The following FGF3 variants were observed in gnomAD, a reference collection of about 807,000 sequenced individuals.
The protein encoded by FGF3 is fibroblast growth factor 3.
In FGF3, 7 loss-of-function variants were observed where a neutral mutation model predicts 9.8. That is an observed-to-expected ratio of 0.72 (90% CI 0.41 to 1.35). The LOEUF is 1.35. Among genes scored for constraint, FGF3 ranks in the 40% most tolerant of loss-of-function variants. The pLI, the probability that FGF3 is intolerant of heterozygous loss-of-function variation, is 0.01. For missense variants in FGF3, 390 were observed against 345.6 expected, an observed-to-expected ratio of 1.13 and a Z score of -1.02; for synonymous variants, 173 against 157.2, an observed-to-expected ratio of 1.10 and a Z score of -0.75.
At chr11:69,816,270 G>A (rs781994083) in intron 2 of FGF3, 50 bp downstream of exon 2, 1 of 1,402,258 alleles carries the variant, frequency 7.1e-7, no homozygotes, top group Non-Finnish European at 1.0e-6. Context: ...TGATGTGCAG[G>A]CCAGACCGCT....
intron 2 of FGF3, among the ~76,000 whole-genome samples, chr11:69,815,685 G>A (rs1447014234): frequency 6.6e-6 from 1 of 152,188 alleles, no homozygotes; most frequent in African/African-American, 2.4e-5. Flanking sequence ...TTTACTCTGT[G>A]TATTCCCCAC....
At chr11:69,811,245 C>T (rs1856024832) in intron 2 of FGF3, among the ~76,000 whole-genome samples, 2 of 151,970 alleles carry the variant, frequency 1.3e-5, no homozygotes, top group East Asian at 3.9e-4. Flanking sequence ...GTCAGGAGTT[C>T]GAGACCAGCC....
At chr11:69,811,816 ACCCTTGTCAGGC>A (rs1458282615) in intron 2 of FGF3, among the ~76,000 whole-genome samples, 1 of 152,102 alleles carries the variant, frequency 6.6e-6, no homozygotes, top group Non-Finnish European at 1.5e-5. Context: ...GATTAATGGG[ACCCTTGTCAGGC>A]CCAGGGTGCA....
chr11:69,818,718 GGC>G lies in FGF3; in HGVS notation c.214_215del (p.Ala72LeufsTer55). 1 of 1,487,022 alleles carries G rather than the reference GGC, an allele frequency of 6.7e-7. No homozygotes were observed. The highest frequency in any genetic ancestry group is 8.9e-7 in the Non-Finnish European group (1 of 1,125,256). 92.1% of individuals were successfully genotyped at this position (1,487,022 alleles called of 1,614,324 possible). On this transcript the variant is annotated frameshift_variant, in exon 1 of 3. Transcript: ENST00000334134. LOFTEE classifies it high-confidence loss of function. Reference sequence around the variant, plus strand: ...CCCGCAGCGTCCGGCACTCACTGTAGGCGCTGTTCTCCAGGCTGCCGTTGACG... The same window carrying G: ...CCCGCAGCGTCCGGCACTCACTGTAGGCTGTTCTCCAGGCTGCCGTTGACG... ...GRVNGSLENS[A>X]YSILEITAVE...
rs2119942308 is a variant in FGF3, at chr11:69,819,185, A to G, written c.-252T>C. ...TTTAATTTCCACCCAGGAGCAATGAAATTTCCGTTGCTGCGCAAAGCGCTG... is the reference window on the plus strand; with the variant it reads ...TTTAATTTCCACCCAGGAGCAATGAGATTTCCGTTGCTGCGCAAAGCGCTG... On this transcript the variant is annotated 5_prime_UTR_variant, in exon 1 of 3. Transcript: ENST00000334134. Among the ~76,000 whole-genome samples, 1 of 152,044 alleles carries G rather than the reference A, an allele frequency of 6.6e-6. No individual in the cohort carries two copies. Among genetic ancestry groups the G allele is most frequent in the East Asian group, 1.9e-4 (1 of 5,136 alleles).
At chr11:69,817,931 G>C (rs1172581034) in intron 1 of FGF3, among the ~76,000 whole-genome samples, 1 of 152,206 alleles carries the variant, frequency 6.6e-6, no homozygotes, top group Non-Finnish European at 1.5e-5. Flanking sequence ...CCCGGGCCGC[G>C]GGTCCTGCGT....
At chr11:69,815,452 C>T (rs782546813) in intron 2 of FGF3, among the ~76,000 whole-genome samples, 7 of 152,152 alleles carry the variant, frequency 4.6e-5, no homozygotes, top group Non-Finnish European at 8.8e-5. Flanking sequence ...TTTAGCAAAA[C>T]GGCTAAAAAT....
chr11:69,816,548 G>A, intron 1 of FGF3, 125 bp from the exon 2 acceptor site: 1 of 705,678 alleles, frequency 1.4e-6, no homozygotes, highest in South Asian at 1.5e-5. Flanking sequence ...CACCCCACAG[G>A]TCGGGGAGTG....
Position 69,819,085 on chromosome 11 carries a change from A to T in FGF3, c.-152T>A. ...GCTTCGCGGGAAAGGTGGGGGAAGA[A>T]GGGGGAAGGGTGGGCGAGAGAGAGA... On this transcript the variant is annotated 5_prime_UTR_variant, in exon 1 of 3. Coordinates refer to ENST00000334134, the MANE Select transcript of FGF3 (RefSeq NM_005247.4). 1.2e-5 allele frequency: 4 copies of T among 337,312 alleles called. No homozygotes were observed. The highest frequency in any genetic ancestry group is 1.1e-5 in the Non-Finnish European group (2 of 190,208). 20.9% of individuals were successfully genotyped at this position (337,312 alleles called of 1,614,324 possible).
In FGF3 at chr11:69,810,580, C is replaced by T. The variant is rs1156753470; in HGVS notation, c.445G>A (p.Ala149Thr). ...ACAGACACGTACCACAGTCTCTCGG[C>T]GCTGGGCTGCCGGCGGGCCCCAGGC... Reference protein sequence around the residue: ...STPGARRQPSAERLWYVSVNG... With the variant: ...STPGARRQPSTERLWYVSVNG... Residue 149 changes from alanine (A) to threonine (T), a missense_variant, in exon 3 of 3, where the codon GCC (alanine) becomes ACC (threonine). Ala to Thr is a moderately conservative substitution (Grantham distance 58). Coordinates refer to ENST00000334134, the MANE Select transcript of FGF3 (RefSeq NM_005247.4). 2.5e-6 allele frequency: 4 copies of T among 1,611,712 alleles called. No homozygotes were observed. The highest frequency in any genetic ancestry group is 2.2e-5 in the East Asian group (1 of 44,806).
In FGF3 at chr11:69,813,610, G is replaced by GGATT. The variant is rs1554980680; in HGVS notation, c.324+2709_324+2710insAATC. Among the ~76,000 whole-genome samples the GGATT allele has an allele frequency of 7.2e-4, 51 of 70,514 alleles. 2 individuals are homozygous for GGATT. The highest frequency in any genetic ancestry group is 2.4e-3 in the South Asian group (6 of 2,534). The allele number at this position is 70,514 out of a possible 152,430, so 46.3% of individuals were successfully genotyped here. ...TAGATGGGTGGGTGGATGGATGGAT[G>GGATT]GATGGGTGGATGGATGGATGGATGG... On this transcript the variant is annotated intron_variant, in intron 2 of 2. Transcript: ENST00000334134.
rs554003731 is a variant in FGF3, at chr11:69,815,609, A to G, written c.324+711T>C. 1.1e-4 allele frequency among the ~76,000 whole-genome samples: 17 copies of G among 152,320 alleles called. No individual in the cohort carries two copies. In the South Asian group the frequency reaches 3.5e-3, roughly 32 times the overall value. ...TGGATGGAAAACCTCTCATTGCCCA[A>G]GGAAGTATCAGCCAAATTGCATGTA... On this transcript the variant is annotated intron_variant, in intron 2 of 2. Transcript: ENST00000334134.
At position 69,810,252 on chromosome 11, in the gene FGF3, G is replaced by A; in HGVS notation, c.*53C>T. 1.3e-6 allele frequency: 2 copies of A among 1,482,270 alleles called. No individual in the cohort carries two copies. The highest frequency in any genetic ancestry group is 1.8e-6 in the Non-Finnish European group (2 of 1,103,196). 91.8% of individuals were successfully genotyped at this position (1,482,270 alleles called of 1,614,324 possible). A position where few individuals can be genotyped will look rare whatever the true frequency, so the allele number is the denominator to read the frequency against. On this transcript the variant is annotated 3_prime_UTR_variant, in exon 3 of 3. Coordinates refer to ENST00000334134, the MANE Select transcript of FGF3 (RefSeq NM_005247.4). ...TCAAGGAGGAGAGTCAGAGTCAAGA[G>A]GCTGCCACGCCAAGATGTCGCCAGG...
At position 69,819,303 on chromosome 11, in the gene FGF3, G is replaced by T. The variant is rs1474788914; in HGVS notation, c.-370C>A. On this transcript the variant is annotated 5_prime_UTR_variant, in exon 1 of 3. Coordinates refer to ENST00000334134, the MANE Select transcript of FGF3 (RefSeq NM_005247.4). ...GGCCGGCGGGTGGGGAGCCCCGCGG[G>T]GCTCGGGGTTCGGGCCGGGCGCCGT... is the stretch of plus-strand genomic sequence containing the variant. Among the ~76,000 whole-genome samples the T allele has an allele frequency of 5.7e-4, 86 of 151,436 alleles. No individual in the cohort carries two copies. Among genetic ancestry groups the T allele is most frequent in the Admixed American group, 4.4e-3 (67 of 15,244 alleles).
rs1057149764 is a variant in FGF3, at chr11:69,816,188, G to A, written c.324+132C>T. On this transcript the variant is annotated intron_variant, in intron 2 of 2. Transcript: ENST00000334134. Reference sequence around the variant, plus strand: ...ACTGGGCGTGGAGCCCTGGGCCAGGGTCTGGTCCTAGCTTGGGTCCCGTGT... The same window carrying A: ...ACTGGGCGTGGAGCCCTGGGCCAGGATCTGGTCCTAGCTTGGGTCCCGTGT... 5.2e-6 allele frequency: 4 copies of A among 775,410 alleles called. No individual in the cohort carries two copies. The Admixed American group carries it at 7.4e-5, about 14-fold the overall frequency. The allele number at this position is 775,410 out of a possible 1,614,324, so 48.0% of individuals were successfully genotyped here.
chr11:69,816,425 TAG>T lies in FGF3; in HGVS notation c.221-4_221-3del, dbSNP rs1554981089. The T allele has an allele frequency of 6.2e-7, 1 of 1,611,038 alleles. No individual in the cohort carries two copies. ...CCACTGCCGTTATCTCCAAAATACC[TAG>T]AAGAAATGAGAGGTGCCTCACTCCC... On this transcript the variant is annotated splice_region_variant and splice_polypyrimidine_tract_variant and intron_variant, in intron 1 of 2. Transcript: ENST00000334134.
At chr11:69,818,105 G>C (rs1014420538) in intron 1 of FGF3, among the ~76,000 whole-genome samples, 2 of 152,154 alleles carry the variant, frequency 1.3e-5, no homozygotes, top group Admixed American at 1.3e-4. Context: ...ATAACTGTCG[G>C]TGGCGGCCGC....
intron 2 of FGF3, among the ~76,000 whole-genome samples, chr11:69,811,474 A>G (rs1242750109): frequency 1.5e-5 from 2 of 130,690 alleles, no homozygotes; most frequent in Non-Finnish European, 3.1e-5. Context: ...AAAAGAAAAG[A>G]AAAAAAAAGA....
In FGF3 at chr11:69,813,736, G is replaced by A. The variant is rs1484203568; in HGVS notation, c.324+2584C>T. On this transcript the variant is annotated intron_variant, in intron 2 of 2. Coordinates refer to ENST00000334134, the MANE Select transcript of FGF3 (RefSeq NM_005247.4). ...GATGGATAGGTGGATGGATGGATGG[G>A]TGGATGGCTGGATGGATGGATGGGT... 2.2e-4 allele frequency among the ~76,000 whole-genome samples: 18 copies of A among 80,032 alleles called. 2 individuals are homozygous for A. Among genetic ancestry groups the A allele is most frequent in the East Asian group, 4.7e-4 (1 of 2,136 alleles). The allele number at this position is 80,032 out of a possible 152,430, so 52.5% of individuals were successfully genotyped here. A position where few individuals can be genotyped will look rare whatever the true frequency, so the allele number is the denominator to read the frequency against.
Sources: allele counts gnomAD v4.1 joint callset (sites outside exome capture counted in the v4.1 genomes callset), GRCh38; gene constraint gnomAD v4.1.1; transcripts MANE v1.5; gene names NCBI Gene and HGNC (gene_info 2026-07-23, HGNC 2026-07-21).